Variants in ACTR3C observed in about 807,000 individuals in gnomAD.
ACTR3C encodes the protein actin-related protein 3C.
ACTR3C carries 18 observed loss-of-function variants against 26.3 expected under a neutral mutation model. That is an observed-to-expected ratio of 0.68 (90% CI 0.47 to 1.01). The LOEUF (loss-of-function observed/expected upper bound fraction) is 1.01. ACTR3C is among the 50% of genes least tolerant of loss of function. The probability of loss-of-function intolerance (pLI) is 0.00; values close to 1 mark genes in which losing one functional copy is unlikely to be tolerated. For synonymous variants in ACTR3C, 55 were observed against 94.5 expected (o/e 0.58, Z 2.42); for missense variants, 184 against 250.7 (o/e 0.73, Z 1.80).
intron 1 of ACTR3C, among the ~76,000 whole-genome samples, chr7:150,309,789 A>T (rs1796138145): frequency 6.6e-6 from 1 of 152,154 alleles, no homozygotes; most frequent in South Asian, 2.1e-4. Context: ...TCTCTGGCTG[A>T]CTGCTTCTCA....
the ACTR3C span, among the ~76,000 whole-genome samples, chr7:150,035,487 G>T: frequency 8.2e-6 from 1 of 122,104 alleles, no homozygotes; most frequent in Middle Eastern, 4.2e-3. Context: ...TAACAGCCAG[G>T]GGCGGAAGAG....
chr7:150,079,075 A>G, the ACTR3C span, among the ~76,000 whole-genome samples: 6 of 152,274 alleles, frequency 3.9e-5, no homozygotes, highest in African/African-American at 1.4e-4. Context: ...GGTTTGGGAT[A>G]TATGGTTTCC....
chr7:150,167,754 G>C, the ACTR3C span, among the ~76,000 whole-genome samples: 1 of 150,342 alleles, frequency 6.7e-6, no homozygotes, highest in African/African-American at 2.5e-5. Context: ...CGGGAGCAGG[G>C]GCAGTGTCTG....
At chr7:149,922,970 C>CTTTTTTTTT in the ACTR3C span, among the ~76,000 whole-genome samples, 116 of 69,160 alleles carry the variant, frequency 1.7e-3, 17 homozygotes, top group East Asian at 0.021. Context: ...AAATAAAAGG[C>CTTTTTTTTT]TTTTTTTTTT....
chr7:150,242,471 CAT>C (rs1212083555), downstream of ACTR3C, among the ~76,000 whole-genome samples: 2 of 151,020 alleles, frequency 1.3e-5, no homozygotes, highest in Non-Finnish European at 2.9e-5. Context: ...CAGGCCTAAA[CAT>C]GTATAAAATT....
the ACTR3C span, among the ~76,000 whole-genome samples, chr7:150,188,703 T>A: frequency 6.6e-6 from 1 of 151,930 alleles, no homozygotes; most frequent in Non-Finnish European, 1.5e-5. Flanking sequence ...CTCTTGATTA[T>A]CATGGTGCTG....
the ACTR3C span, among the ~76,000 whole-genome samples, chr7:149,901,794 A>G: frequency 0.12 from 18,353 of 151,290 alleles, 1,426 homozygotes; most frequent in East Asian, 0.33. Flanking sequence ...CATGTCGGTA[A>G]TCCCAGCTAC....
the ACTR3C span, among the ~76,000 whole-genome samples, chr7:150,003,732 TGTGTGGTGTGTACA>T: frequency 5.3e-5 from 8 of 152,198 alleles, no homozygotes; most frequent in African/African-American, 9.7e-5. Context: ...TGTGGTGTGG[TGTGTGGTGTGTACA>T]GTGTGGTGTA....
At chr7:150,033,809 GGACT>G in the ACTR3C span, among the ~76,000 whole-genome samples, 1 of 151,996 alleles carries the variant, frequency 6.6e-6, no homozygotes, top group African/African-American at 2.4e-5. Flanking sequence ...GGGGGAAGAG[GGACT>G]GGCTCTCAGT....
At chr7:150,066,503 G>T in the ACTR3C span, among the ~76,000 whole-genome samples, 1 of 152,204 alleles carries the variant, frequency 6.6e-6, no homozygotes, top group Non-Finnish European at 1.5e-5. Flanking sequence ...ATCTTTAGGT[G>T]AAAAATTAGG....
At chr7:150,153,983 A>G in the ACTR3C span, among the ~76,000 whole-genome samples, 1 of 150,442 alleles carries the variant, frequency 6.6e-6, no homozygotes, top group Non-Finnish European at 1.5e-5. Flanking sequence ...ACAGAAAACC[A>G]AACACTGCAT....
the ACTR3C span, among the ~76,000 whole-genome samples, chr7:150,152,253 T>C: frequency 5.3e-5 from 8 of 152,152 alleles, no homozygotes; most frequent in Non-Finnish European, 8.8e-5. Context: ...TTTTGCCCAT[T>C]CAGTATGATA....
At chr7:149,959,038 CA>C in the ACTR3C span, among the ~76,000 whole-genome samples, 3 of 152,218 alleles carry the variant, frequency 2.0e-5, no homozygotes, top group Non-Finnish European at 4.4e-5. Context: ...CTGCATACCA[CA>C]GTCATTTCCC....
chr7:150,204,859 G>C, the ACTR3C span, among the ~76,000 whole-genome samples: 6 of 151,944 alleles, frequency 3.9e-5, no homozygotes, highest in Non-Finnish European at 7.4e-5. Flanking sequence ...GAGTGCAGAG[G>C]AGGAGCGAGG....
At chr7:150,092,929 C>T in the ACTR3C span, among the ~76,000 whole-genome samples, 15 of 151,582 alleles carry the variant, frequency 9.9e-5, no homozygotes, top group Middle Eastern at 3.4e-3. Flanking sequence ...CTGCAGCAGG[C>T]CCTGCAGAAC....
the ACTR3C span, among the ~76,000 whole-genome samples, chr7:150,107,256 A>C: frequency 6.6e-6 from 1 of 150,574 alleles, no homozygotes; most frequent in Non-Finnish European, 1.5e-5. Context: ...CTTTTTAAGG[A>C]GAGCTGGGCT....
the ACTR3C span, among the ~76,000 whole-genome samples, chr7:149,991,996 T>C: frequency 9.2e-6 from 1 of 109,192 alleles, no homozygotes; most frequent in African/African-American, 2.8e-5. Flanking sequence ...GTGTTTGTTA[T>C]GTAAGCACAC....
At chr7:150,255,473 A>G (rs1312194551) in intron 6 of ACTR3C, among the ~76,000 whole-genome samples, 1 of 151,974 alleles carries the variant, frequency 6.6e-6, no homozygotes, top group African/African-American at 2.4e-5. Flanking sequence ...GACTCAATAC[A>G]CTTACCTAGT....
chr7:150,135,420 A>G, the ACTR3C span, among the ~76,000 whole-genome samples: 1 of 152,246 alleles, frequency 6.6e-6, no homozygotes, highest in Non-Finnish European at 1.5e-5. Flanking sequence ...AGTGGCCATG[A>G]GGAGCGCTGC....
Sources: gnomAD v4.1 joint callset for allele counts (sites outside exome capture counted in the v4.1 genomes callset) on GRCh38, gnomAD v4.1.1 for gene constraint, MANE v1.5 for transcripts, NCBI Gene and HGNC (gene_info 2026-07-23, HGNC 2026-07-21) for gene names.